MSRB3: variants seen among roughly 807,000 people sequenced by gnomAD.
MSRB3 encodes the protein methionine sulfoxide reductase B3.
A neutral mutation model predicts 21.0 loss-of-function variants in MSRB3; 13 were observed. The ratio of observed to expected loss-of-function variants is 0.62; its 90% confidence interval spans 0.40 to 0.98. The LOEUF (loss-of-function observed/expected upper bound fraction) is 0.98, where lower values mean the gene tolerates loss of function less well. Ranked by LOEUF, MSRB3 falls within the 50% of genes least tolerant of loss-of-function variation. The pLI, the probability that MSRB3 is intolerant of heterozygous loss-of-function variation, is 0.00. For synonymous variants in MSRB3, 87 were observed against 88.6 expected (o/e 0.98, Z 0.10); for missense variants, 199 against 230.3 (o/e 0.86, Z 0.88).
intron 5 of MSRB3, among the ~76,000 whole-genome samples, chr12:65,412,589 A>G (rs1457489517): frequency 1.3e-5 from 2 of 152,130 alleles, no homozygotes; most frequent in Non-Finnish European, 2.9e-5. Flanking sequence ...GGTTGGTGCA[A>G]AAGTAGTTGT....
At chr12:65,362,555 T>C (rs374045181) in intron 4 of MSRB3, among the ~76,000 whole-genome samples, 63 of 152,300 alleles carry the variant, frequency 4.1e-4, no homozygotes, top group African/African-American at 1.3e-3. Flanking sequence ...TAATAGTGTC[T>C]GCCACTATTA....
chr12:65,307,790 G>T (rs1873744537), intron 1 of MSRB3, among the ~76,000 whole-genome samples: 1 of 152,010 alleles, frequency 6.6e-6, no homozygotes, highest in Non-Finnish European at 1.5e-5. Context: ...ATTATTCACA[G>T]GATTGACCTA....
intron 5 of MSRB3, chr12:65,419,170 A>T: frequency 2.9e-6 from 2 of 692,848 alleles, no homozygotes; most frequent in East Asian, 2.6e-5. Flanking sequence ...GGCCAACTGC[A>T]TGGTGACCAC....
intron 4 of MSRB3, among the ~76,000 whole-genome samples, chr12:65,359,423 C>A (rs1877578049): frequency 6.6e-6 from 1 of 152,054 alleles, no homozygotes; most frequent in East Asian, 1.9e-4. Flanking sequence ...ATGAAAATTT[C>A]CAGGGAATAT....
chr12:65,335,679 T>C (rs910391829), intron 4 of MSRB3, among the ~76,000 whole-genome samples: 3 of 152,172 alleles, frequency 2.0e-5, no homozygotes, highest in African/African-American at 4.8e-5. Context: ...CGTTTTCCTC[T>C]CTACTCAAAT....
intron 5 of MSRB3, among the ~76,000 whole-genome samples, chr12:65,427,669 A>C (rs1881669505): frequency 6.6e-6 from 1 of 152,148 alleles, no homozygotes; most frequent in South Asian, 2.1e-4. Context: ...TAATGGCACT[A>C]GTGTCCAGTG....
intron 2 of MSRB3, among the ~76,000 whole-genome samples, chr12:65,320,210 T>G (rs1031154135): frequency 6.6e-6 from 1 of 152,194 alleles, no homozygotes; most frequent in African/African-American, 2.4e-5. Flanking sequence ...ATGATTTTTC[T>G]TACATATAGA....
chr12:65,387,377 T>C (rs1879246629), intron 5 of MSRB3, among the ~76,000 whole-genome samples: 1 of 152,162 alleles, frequency 6.6e-6, no homozygotes, highest in African/African-American at 2.4e-5. Context: ...TTATCTTTTT[T>C]CTTTCCAGCT....
At chr12:65,368,947 G>A in intron 4 of MSRB3, 51 bp from the exon 5 acceptor site, 3 of 532,834 alleles carry the variant, frequency 5.6e-6, no homozygotes, top group South Asian at 4.5e-5. Flanking sequence ...TGAAATAATT[G>A]TTCTTTTACA....
At chr12:65,459,718 CT>C (rs1883238279) in intron 6 of MSRB3, among the ~76,000 whole-genome samples, 1 of 152,122 alleles carries the variant, frequency 6.6e-6, no homozygotes, top group Non-Finnish European at 1.5e-5. Flanking sequence ...CCCAAACATC[CT>C]AGGAATAGCT....
At chr12:65,356,118 G>C (rs527437973) in intron 4 of MSRB3, among the ~76,000 whole-genome samples, 1 of 151,772 alleles carries the variant, frequency 6.6e-6, no homozygotes, top group Non-Finnish European at 1.5e-5. Context: ...TTTTGCTTGG[G>C]GGCTTACTAT....
At position 65,417,089 on chromosome 12, in the gene MSRB3, C is replaced by T. The variant is rs182858478; in HGVS notation, c.293-36639C>T. ...AGTTTACTTTCTGATTCTAGAAGAC[C>T]CTCTTTACTACTTTCCAAATCAAGA... On this transcript the variant is annotated intron_variant, in intron 5 of 6. Transcript: ENST00000308259. Among the ~76,000 whole-genome samples the T allele has an allele frequency of 3.9e-4, 59 of 152,098 alleles. 2 individuals carry two copies. In the Middle Eastern group the frequency reaches 0.01, roughly 26 times the overall value.
chr12:65,432,545 TA>T (rs2136665756), intron 5 of MSRB3, among the ~76,000 whole-genome samples: 1 of 152,186 alleles, frequency 6.6e-6, no homozygotes, highest in East Asian at 1.9e-4. Flanking sequence ...TAATCCTGAC[TA>T]AGGTAAATGG....
intron 6 of MSRB3, among the ~76,000 whole-genome samples, chr12:65,460,711 T>C (rs1883288137): frequency 6.6e-6 from 1 of 151,976 alleles, no homozygotes; most frequent in East Asian, 1.9e-4. Flanking sequence ...CATAGTCTTT[T>C]TCTAACTATA....
rs59417371 is a variant in MSRB3 at position 65,393,630 on chromosome 12, CAAAAAAAA to C, written c.292+24621_292+24628del. 2.0e-3 allele frequency among the ~76,000 whole-genome samples: 177 copies of C among 90,630 alleles called. 2 individuals carry two copies. Among genetic ancestry groups the C allele is most frequent in the Admixed American group, 6.1e-3 (48 of 7,876 alleles). 59.5% of individuals were successfully genotyped at this position (90,630 alleles called of 152,430 possible). On this transcript the variant is annotated intron_variant, in intron 5 of 6. Transcript: ENST00000308259. ...TGGGCAGTAGAGCGAGACTCCGTCG[CAAAAAAAA>C]AAAAAAAAAAAAAAAATGACTACCA...
intron 5 of MSRB3, among the ~76,000 whole-genome samples, chr12:65,417,466 A>G (rs1881041200): frequency 6.6e-6 from 1 of 152,208 alleles, no homozygotes; most frequent in Admixed American, 6.5e-5. Flanking sequence ...TATTTTTAAC[A>G]TATGCATTAC....
intron 5 of MSRB3, among the ~76,000 whole-genome samples, chr12:65,409,018 G>T (rs1046105187): frequency 1.3e-5 from 2 of 152,098 alleles, no homozygotes; most frequent in African/African-American, 2.4e-5. Flanking sequence ...ACATATGAAA[G>T]TGTGTCCCTT....
chr12:65,315,872 G>A (rs1033391516), intron 2 of MSRB3, among the ~76,000 whole-genome samples: 2 of 152,096 alleles, frequency 1.3e-5, no homozygotes, highest in Non-Finnish European at 2.9e-5. Context: ...TATCACTAGA[G>A]TATTTGAATT....
At chr12:65,289,061 A>C (rs962627482) in intron 1 of MSRB3, among the ~76,000 whole-genome samples, 1 of 152,238 alleles carries the variant, frequency 6.6e-6, no homozygotes, top group Admixed American at 6.5e-5. Flanking sequence ...CATTTCCTGT[A>C]CTCAGAAGTA....
Sources: gnomAD v4.1 joint callset for allele counts (sites outside exome capture counted in the v4.1 genomes callset) on GRCh38, gnomAD v4.1.1 for gene constraint, MANE v1.5 for transcripts, NCBI Gene and HGNC (gene_info 2026-07-23, HGNC 2026-07-21) for gene names.